Variants in RARB observed in about 807,000 individuals in gnomAD.
The protein encoded by RARB is HBV-activated protein.
RARB carries 17 observed loss-of-function variants against 51.9 expected under a neutral mutation model. The observed-to-expected ratio is 0.33, with a 90% CI of 0.22 to 0.49. The LOEUF is 0.49. Among genes scored for constraint, RARB ranks in the 20% least tolerant of loss-of-function variants. RARB has a pLI of 0.99. For missense variants in RARB, 369 were observed against 550.8 expected, an observed-to-expected ratio of 0.67 and a Z score of 3.30; for synonymous variants, 215 against 195.4, an observed-to-expected ratio of 1.10 and a Z score of -0.84.
At chr3:25,360,792 G>A (rs189312644) in intron 5 of RARB, among the ~76,000 whole-genome samples, 5 of 152,216 alleles carry the variant, frequency 3.3e-5, no homozygotes, top group Admixed American at 2.6e-4. Flanking sequence ...TTTTAAGAAG[G>A]TTGAATATTG....
chr3:25,412,067 C>A (rs571829749), intron 5 of RARB, among the ~76,000 whole-genome samples: 2 of 152,190 alleles, frequency 1.3e-5, no homozygotes, highest in African/African-American at 4.8e-5. Flanking sequence ...TGAGGTATCA[C>A]AGAACTGGAG....
intron 4 of RARB, among the ~76,000 whole-genome samples, chr3:25,571,879 C>T (rs530747694): frequency 3.3e-5 from 5 of 152,322 alleles, no homozygotes; most frequent in Admixed American, 6.5e-5. Context: ...CATCCAGACA[C>T]GTACCTTCTA....
chr3:25,261,750 C>T (rs1432350993), intron 5 of RARB, among the ~76,000 whole-genome samples: 1 of 152,118 alleles, frequency 6.6e-6, no homozygotes, highest in Non-Finnish European at 1.5e-5. Flanking sequence ...TCCCTGGTCA[C>T]CTACTCTAGA....
At chr3:25,001,578 G>A (rs1346786751) in intron 2 of RARB, among the ~76,000 whole-genome samples, 1 of 152,230 alleles carries the variant, frequency 6.6e-6, no homozygotes, top group East Asian at 1.9e-4. Flanking sequence ...TCAGAATTAA[G>A]CCAGAAGATC....
At position 25,557,241 on chromosome 3, in the gene RARB, G is replaced by T. The variant is rs1010191097; in HGVS notation, c.449-12517G>T. The stretch of plus-strand genomic sequence containing the variant: ...GGTTATGTCTACATCAGCATCTGTT[G>T]CACAGTAGTAGCTCAATAACTATTA... On this transcript the variant is annotated intron_variant, in intron 3 of 7. Transcript: ENST00000330688. Among the ~76,000 whole-genome samples the T allele has an allele frequency of 5.3e-5, 8 of 151,940 alleles. No homozygotes were observed. The South Asian group carries it at 1.2e-3, about 24-fold the overall frequency.
chr3:25,117,800 AAATT>A (rs1232923750), intron 3 of RARB, among the ~76,000 whole-genome samples: 49 of 152,196 alleles, frequency 3.2e-4, no homozygotes, highest in Non-Finnish European at 1.5e-5. Flanking sequence ...TACACCAAAG[AAATT>A]AATTACTTAT....
intron 5 of RARB, among the ~76,000 whole-genome samples, chr3:25,190,784 G>A (rs564458136): frequency 4.8e-4 from 73 of 152,194 alleles, no homozygotes; most frequent in African/African-American, 1.6e-3. Context: ...CTTAGAATGA[G>A]TTCACATCAG....
At chr3:25,508,838 G>T (rs1422620920) in intron 3 of RARB, among the ~76,000 whole-genome samples, 2 of 151,402 alleles carry the variant, frequency 1.3e-5, no homozygotes, top group Non-Finnish European at 2.9e-5. Flanking sequence ...ATAAAAATCT[G>T]CTGCCCCTTT....
chr3:24,919,963 GT>G (rs1179081450), intron 2 of RARB, among the ~76,000 whole-genome samples: 1 of 152,148 alleles, frequency 6.6e-6, no homozygotes, highest in Non-Finnish European at 1.5e-5. Flanking sequence ...GTTTTAACAT[GT>G]TCATTTTGTA....
At chr3:25,165,999 A>T (rs190398880) in intron 4 of RARB, among the ~76,000 whole-genome samples, 192 of 152,080 alleles carry the variant, frequency 1.3e-3, no homozygotes, top group Middle Eastern at 3.4e-3. Flanking sequence ...CTTAAAAAAA[A>T]TTTTACTGTA....
intron 2 of RARB, among the ~76,000 whole-genome samples, chr3:24,865,822 G>A (rs1190080280): frequency 2.0e-5 from 3 of 152,172 alleles, no homozygotes; most frequent in African/African-American, 7.2e-5. Context: ...TTGCTACAGT[G>A]AGGTTATTGT....
intron 5 of RARB, among the ~76,000 whole-genome samples, chr3:25,246,448 C>T (rs1257774485): frequency 6.6e-6 from 1 of 152,094 alleles, no homozygotes; most frequent in East Asian, 1.9e-4. Flanking sequence ...TTTTCCTCAC[C>T]TTCTTGGATT....
At chr3:25,272,214 T>A (rs1011605279) in intron 5 of RARB, among the ~76,000 whole-genome samples, 6 of 152,146 alleles carry the variant, frequency 3.9e-5, no homozygotes, top group Non-Finnish European at 7.4e-5. Context: ...AAGTTGTTCA[T>A]CTCCGGTTGT....
At chr3:25,104,180 C>G (rs1174509956) in intron 3 of RARB, among the ~76,000 whole-genome samples, 1 of 152,112 alleles carries the variant, frequency 6.6e-6, no homozygotes, top group South Asian at 2.1e-4. Flanking sequence ...TGTGATTATA[C>G]CGTACACCTG....
At chr3:25,342,568 C>A (rs1033079721) in intron 5 of RARB, among the ~76,000 whole-genome samples, 1 of 152,276 alleles carries the variant, frequency 6.6e-6, no homozygotes, top group Admixed American at 6.5e-5. Flanking sequence ...AAAACAAGTA[C>A]CAACCTTCTT....
At chr3:25,343,877 G>A (rs1348393979) in intron 5 of RARB, among the ~76,000 whole-genome samples, 1 of 152,164 alleles carries the variant, frequency 6.6e-6, no homozygotes, top group Non-Finnish European at 1.5e-5. Context: ...CCTTGGTGAA[G>A]AAGGAACTAA....
intron 2 of RARB, among the ~76,000 whole-genome samples, chr3:25,017,506 T>G (rs1697539056): frequency 6.6e-6 from 1 of 152,214 alleles, no homozygotes; most frequent in Non-Finnish European, 1.5e-5. Context: ...ATCTGGTGCA[T>G]TTTTAATATA....
chr3:24,947,992 A>G (rs1014558450), intron 2 of RARB, among the ~76,000 whole-genome samples: 2 of 151,884 alleles, frequency 1.3e-5, no homozygotes, highest in East Asian at 1.9e-4. Context: ...ATGTAGCTCT[A>G]TGAGCTCTCT....
chr3:25,067,750 T>C (rs1421348388), intron 3 of RARB, among the ~76,000 whole-genome samples: 2 of 152,220 alleles, frequency 1.3e-5, no homozygotes, highest in Non-Finnish European at 2.9e-5. Flanking sequence ...TTTTGCTTCC[T>C]GCACTTTTTA....
Sources: allele counts gnomAD v4.1 joint callset (sites outside exome capture counted in the v4.1 genomes callset), GRCh38; gene constraint gnomAD v4.1.1; transcripts MANE v1.5; gene names NCBI Gene and HGNC (gene_info 2026-07-23, HGNC 2026-07-21).